Variants in PDE11A observed in about 807,000 individuals in gnomAD.
PDE11A encodes the protein phosphodiesterase 11A.
Under a neutral mutation model 100.5 loss-of-function variants are expected in PDE11A, and 100 were observed. The observed-to-expected ratio is 1.00, with a 90% CI of 0.85 to 1.18. The LOEUF (loss-of-function observed/expected upper bound fraction) is 1.18, where lower values mean the gene tolerates loss of function less well. Ranked by LOEUF, PDE11A falls within the 50% of genes most tolerant of loss-of-function variation. The pLI is 0.00. For synonymous variants in PDE11A, 381 were observed against 420.8 expected (o/e 0.91, Z 1.16); for missense variants, 1,141 against 1,152.6 (o/e 0.99, Z 0.15).
intron 10 of PDE11A, among the ~76,000 whole-genome samples, chr2:177,767,857 A>G (rs184341258): frequency 5.1e-4 from 77 of 152,292 alleles, no homozygotes; most frequent in South Asian, 5.0e-3. Context: ...ACAGCAGTGA[A>G]TAAAACACAA....
At position 177,845,210 on chromosome 2, in the gene PDE11A, C is replaced by T. The variant is rs1372131778; in HGVS notation, c.1368-4827G>A. Reference sequence around the variant, plus strand: ...CCTCCCGGACGGGGTGGCTGCCGGGCGGAGACGCTCCTCACTTCCCAGATG... The same window carrying T: ...CCTCCCGGACGGGGTGGCTGCCGGGTGGAGACGCTCCTCACTTCCCAGATG... On this transcript the variant is annotated intron_variant, in intron 5 of 19. Coordinates refer to ENST00000286063, the MANE Select transcript of PDE11A (RefSeq NM_016953.4). Among the ~76,000 whole-genome samples, 17 of 150,466 alleles carry T rather than the reference C, an allele frequency of 1.1e-4. No homozygotes were observed. The East Asian group carries it at 1.6e-3, about 14-fold the overall frequency.
chr2:177,705,594 C>A (rs1379284781), intron 13 of PDE11A, among the ~76,000 whole-genome samples: 1 of 152,078 alleles, frequency 6.6e-6, no homozygotes, highest in African/African-American at 2.4e-5. Flanking sequence ...TGCACAGGCA[C>A]CAAAAATGTG....
In PDE11A at chr2:177,625,758, C is replaced by G. The variant is rs1051074634; in HGVS notation, c.*3649G>C. Reference sequence around the variant, plus strand: ...TTGGAAAAGCAGATTATATGGATAACTGCATATGCCTCACATTCTTGCAAA... The same window carrying G: ...TTGGAAAAGCAGATTATATGGATAAGTGCATATGCCTCACATTCTTGCAAA... On this transcript the variant is annotated 3_prime_UTR_variant, in exon 20 of 20. Transcript: ENST00000286063. 1.3e-5 allele frequency: 2 copies of G among 152,374 alleles called. No individual in the cohort carries two copies. The highest frequency in any genetic ancestry group is 2.9e-5 in the Non-Finnish European group (2 of 68,030). The allele number at this position is 152,374 out of a possible 1,614,324, so 9.4% of individuals were successfully genotyped here. A position where few individuals can be genotyped will look rare whatever the true frequency, so the allele number is the denominator to read the frequency against.
chr2:177,946,963 G>T (rs2085445663), intron 2 of PDE11A, among the ~76,000 whole-genome samples: 5 of 98,588 alleles, frequency 5.1e-5, no homozygotes, highest in Admixed American at 8.9e-5. Flanking sequence ...GGAGGGAGGT[G>T]GGGGGGTCAG....
At chr2:177,824,026 C>T (rs2083187644) in intron 6 of PDE11A, among the ~76,000 whole-genome samples, 1 of 152,144 alleles carries the variant, frequency 6.6e-6, no homozygotes, top group South Asian at 2.1e-4. Context: ...AAACCTTAGG[C>T]TGTTCGCCAG....
At chr2:177,784,331 A>C (rs1295351424) in intron 9 of PDE11A, among the ~76,000 whole-genome samples, 1 of 151,822 alleles carries the variant, frequency 6.6e-6, no homozygotes, top group Non-Finnish European at 1.5e-5. Context: ...TAGCATACCA[A>C]TGGAAACTCC....
At chr2:177,785,846 C>T (rs1224976006) in intron 9 of PDE11A, among the ~76,000 whole-genome samples, 6 of 152,224 alleles carry the variant, frequency 3.9e-5, no homozygotes, top group Non-Finnish European at 7.3e-5. Flanking sequence ...GGGCGCCCAC[C>T]ATTGCCCAGA....
At chr2:177,640,439 G>A (rs1173645906) in intron 19 of PDE11A, among the ~76,000 whole-genome samples, 1 of 152,212 alleles carries the variant, frequency 6.6e-6, no homozygotes, top group Admixed American at 6.5e-5. Context: ...GCAAATGGTG[G>A]CAGGCCCTGA....
At chr2:178,041,391 G>A (rs982052033) in intron 1 of PDE11A, among the ~76,000 whole-genome samples, 15 of 151,672 alleles carry the variant, frequency 9.9e-5, no homozygotes, top group Admixed American at 8.5e-4. Flanking sequence ...CTACAGGCAT[G>A]CACCACCACG....
At chr2:178,081,910 T>G (rs918820558) in intron 2 of PDE11A, among the ~76,000 whole-genome samples, 2 of 152,246 alleles carry the variant, frequency 1.3e-5, no homozygotes, top group African/African-American at 4.8e-5. Context: ...ACTTTAAATA[T>G]GTATCAGAGA....
chr2:177,785,695 T>C (rs934642791), intron 9 of PDE11A, among the ~76,000 whole-genome samples: 1 of 152,202 alleles, frequency 6.6e-6, no homozygotes, highest in Non-Finnish European at 1.5e-5. Flanking sequence ...ATACTGCGCT[T>C]TTCCGACGGG....
At chr2:178,028,300 CAAAA>C (rs5836640) in intron 1 of PDE11A, among the ~76,000 whole-genome samples, 14 of 131,394 alleles carry the variant, frequency 1.1e-4, no homozygotes, top group African/African-American at 2.6e-4. Context: ...CATGTTCCAT[CAAAA>C]AAAAAAAAAA....
chr2:178,075,220 G>A (rs910014735), upstream of PDE11A, among the ~76,000 whole-genome samples: 9 of 152,218 alleles, frequency 5.9e-5, no homozygotes, highest in East Asian at 1.2e-3. Flanking sequence ...AGATTGGATA[G>A]TGACTTCTGC....
intron 1 of PDE11A, chr2:178,018,334 G>T: frequency 6.6e-6 from 2 of 301,732 alleles, no homozygotes; most frequent in Non-Finnish European, 1.3e-5. Context: ...CTATGTCTAT[G>T]CAGACGCATC....
At chr2:178,031,974 G>A (rs2086553871) in intron 1 of PDE11A, among the ~76,000 whole-genome samples, 1 of 152,066 alleles carries the variant, frequency 6.6e-6, no homozygotes, top group Non-Finnish European at 1.5e-5. Flanking sequence ...AGTAATACAG[G>A]CATAGATTAA....
intron 2 of PDE11A, among the ~76,000 whole-genome samples, chr2:177,968,600 A>G (rs1223099051): frequency 6.6e-6 from 1 of 152,246 alleles, no homozygotes; most frequent in Non-Finnish European, 1.5e-5. Context: ...AAATACTCAT[A>G]TGCAGTCAAA....
At chr2:178,030,116 A>G (rs993568326) in intron 1 of PDE11A, among the ~76,000 whole-genome samples, 3 of 152,194 alleles carry the variant, frequency 2.0e-5, no homozygotes, top group Non-Finnish European at 2.9e-5. Context: ...ACAAAGTTCA[A>G]AAAAAGAATA....
At chr2:177,807,974 G>A (rs1395539093) in intron 9 of PDE11A, among the ~76,000 whole-genome samples, 1 of 152,182 alleles carries the variant, frequency 6.6e-6, no homozygotes, top group Admixed American at 6.5e-5. Flanking sequence ...TGGGGTAGGT[G>A]AGAAAACATT....
intron 2 of PDE11A, among the ~76,000 whole-genome samples, chr2:177,993,717 T>TG (rs1237824648): frequency 6.6e-6 from 1 of 152,102 alleles, no homozygotes; most frequent in Non-Finnish European, 1.5e-5. Flanking sequence ...GAATAGTCAA[T>TG]GCATTGTTTA....
Sources: gnomAD v4.1 joint callset for allele counts (sites outside exome capture counted in the v4.1 genomes callset) on GRCh38, gnomAD v4.1.1 for gene constraint, MANE v1.5 for transcripts, NCBI Gene and HGNC (gene_info 2026-07-23, HGNC 2026-07-21) for gene names.